The following PTPRD variants were observed in gnomAD, a reference collection of about 807,000 sequenced individuals.
PTPRD encodes the protein protein tyrosine phosphatase receptor type D.
PTPRD carries 34 observed loss-of-function variants against 214.5 expected under a neutral mutation model. The observed-to-expected ratio is 0.16, with a 90% confidence interval of 0.12 to 0.21. PTPRD has a LOEUF of 0.21. PTPRD is among the 10% of genes least tolerant of loss of function. The pLI, the probability that PTPRD is intolerant of heterozygous loss-of-function variation, is 1.00. For synonymous variants in PTPRD, 1,128 were observed against 845.7 expected, an observed-to-expected ratio of 1.33 and a Z score of -5.79; for missense variants, 2,545 against 2,398.7, an observed-to-expected ratio of 1.06 and a Z score of -1.27.
intron 11 of PTPRD, among the ~76,000 whole-genome samples, chr9:8,928,315 C>T (rs954217880): frequency 1.3e-5 from 2 of 152,094 alleles, no homozygotes; most frequent in Non-Finnish European, 2.9e-5. Context: ...AGGTTTTCTT[C>T]TAGGGTTTTT....
chr9:10,528,262 T>C (rs1210952717), intron 2 of PTPRD, among the ~76,000 whole-genome samples: 1 of 152,158 alleles, frequency 6.6e-6, no homozygotes, highest in Non-Finnish European at 1.5e-5. Context: ...TGATTCCAAG[T>C]TCTACCACAG....
chr9:9,850,838 C>T (rs567167996), intron 5 of PTPRD, among the ~76,000 whole-genome samples: 72 of 152,248 alleles, frequency 4.7e-4, no homozygotes, highest in Non-Finnish European at 8.7e-4. Context: ...CCACCTACCA[C>T]CACCACTCTC....
At chr9:10,349,256 T>TG (rs921477293) in intron 2 of PTPRD, among the ~76,000 whole-genome samples, 1 of 95,414 alleles carries the variant, frequency 1.0e-5, no homozygotes. Flanking sequence ...TCCAGTGGGG[T>TG]GGGGGGTGGG....
intron 11 of PTPRD, among the ~76,000 whole-genome samples, chr9:9,006,896 T>G (rs2099472937): frequency 6.6e-6 from 1 of 152,016 alleles, no homozygotes; most frequent in Non-Finnish European, 1.5e-5. Context: ...CATATTTACA[T>G]TTAATACAGC....
chr9:9,395,266 C>T (rs1052772356), intron 9 of PTPRD, among the ~76,000 whole-genome samples: 4 of 151,804 alleles, frequency 2.6e-5, no homozygotes, highest in Non-Finnish European at 5.9e-5. Context: ...ATAAACATCA[C>T]TTGAGAACTT....
At chr9:8,857,673 C>T (rs2097955969) in intron 11 of PTPRD, 1 of 159,108 alleles carries the variant, frequency 6.3e-6, no homozygotes, top group Admixed American at 6.5e-5. Flanking sequence ...GCCGCCACCG[C>T]CTCCCGCGCC....
chr9:10,504,119 A>AAAAAAAAAAAAAAAC (rs1427249681), intron 2 of PTPRD, among the ~76,000 whole-genome samples: 4 of 132,712 alleles, frequency 3.0e-5, no homozygotes, highest in Admixed American at 7.3e-5. Flanking sequence ...CTGTCTCAAA[A>AAAAAAAAAAAAAAAC]AAAAAAAAAA....
intron 8 of PTPRD, among the ~76,000 whole-genome samples, chr9:9,511,086 T>C (rs2096695366): frequency 6.6e-6 from 1 of 151,938 alleles, no homozygotes; most frequent in Admixed American, 6.6e-5. Context: ...TGGCAAATGC[T>C]TTTCAAAAGA....
At chr9:9,846,664 C>T (rs1407238908) in intron 5 of PTPRD, among the ~76,000 whole-genome samples, 7 of 152,040 alleles carry the variant, frequency 4.6e-5, no homozygotes, top group African/African-American at 1.7e-4. Flanking sequence ...AGCATGGAAA[C>T]TTATTTTTAA....
intron 33 of PTPRD, among the ~76,000 whole-genome samples, chr9:8,457,190 A>C (rs532726997): frequency 5.9e-4 from 90 of 152,260 alleles, no homozygotes; most frequent in Non-Finnish European, 1.1e-3. Flanking sequence ...GTAGGCTCAG[A>C]GTGTTGGCAT....
At chr9:9,431,026 T>A (rs1410259275) in intron 8 of PTPRD, among the ~76,000 whole-genome samples, 1 of 152,074 alleles carries the variant, frequency 6.6e-6, no homozygotes, top group South Asian at 2.1e-4. Flanking sequence ...CCAAAAGCAA[T>A]GGCAACAAAA....
intron 7 of PTPRD, among the ~76,000 whole-genome samples, chr9:9,616,941 A>T (rs1047606048): frequency 2.0e-5 from 3 of 152,122 alleles, no homozygotes; most frequent in African/African-American, 7.2e-5. Context: ...ATTATGGTCA[A>T]TTTTAAAATA....
At chr9:10,039,362 G>A (rs1239972329) in intron 3 of PTPRD, among the ~76,000 whole-genome samples, 1 of 151,986 alleles carries the variant, frequency 6.6e-6, no homozygotes, top group Non-Finnish European at 1.5e-5. Context: ...TTATTTGAAT[G>A]CTATGTCAAA....
intron 5 of PTPRD, among the ~76,000 whole-genome samples, chr9:9,828,120 G>C (rs568984698): frequency 4.6e-5 from 7 of 152,212 alleles, no homozygotes; most frequent in Admixed American, 1.3e-4. Flanking sequence ...TCTAGAACTA[G>C]AAATAACATT....
chr9:9,260,136 A>G (rs913693842), intron 9 of PTPRD, among the ~76,000 whole-genome samples: 3 of 151,940 alleles, frequency 2.0e-5, no homozygotes, highest in Non-Finnish European at 2.9e-5. Flanking sequence ...CACGTAAATT[A>G]GGTATGTACA....
At chr9:9,318,386 T>A (rs946998105) in intron 9 of PTPRD, among the ~76,000 whole-genome samples, 4 of 152,144 alleles carry the variant, frequency 2.6e-5, no homozygotes, top group Non-Finnish European at 4.4e-5. Flanking sequence ...TGATATTTTT[T>A]AAAGTCAAAT....
At chr9:8,638,624 T>C (rs1019761615) in intron 12 of PTPRD, among the ~76,000 whole-genome samples, 4 of 152,176 alleles carry the variant, frequency 2.6e-5, no homozygotes, top group African/African-American at 7.2e-5. Flanking sequence ...TTTGCAATGC[T>C]GGTCCTGGAG....
At chr9:9,411,404 A>G (rs1341523773) in intron 8 of PTPRD, among the ~76,000 whole-genome samples, 2 of 152,024 alleles carry the variant, frequency 1.3e-5, no homozygotes, top group Non-Finnish European at 1.5e-5. Context: ...AATTGTAAGC[A>G]TTTTCTGTGG....
At chr9:9,676,215 T>C (rs1300976082) in intron 7 of PTPRD, among the ~76,000 whole-genome samples, 10 of 152,144 alleles carry the variant, frequency 6.6e-5, no homozygotes, top group African/African-American at 2.4e-4. Context: ...CATGTTGGTG[T>C]GCCGCACCCA....
Sources: allele counts gnomAD v4.1 joint callset (sites outside exome capture counted in the v4.1 genomes callset), GRCh38; gene constraint gnomAD v4.1.1; transcripts MANE v1.5; gene names NCBI Gene and HGNC (gene_info 2026-07-23, HGNC 2026-07-21).